DTNB: variants seen among roughly 807,000 people sequenced by gnomAD.
DTNB encodes the protein DTN-B.
DTNB carries 63 observed loss-of-function variants against 90.7 expected under a neutral mutation model. That is an observed-to-expected ratio of 0.69 (90% CI 0.57 to 0.86). DTNB has a LOEUF of 0.86. Among genes scored for constraint, DTNB ranks in the 40% least tolerant of loss-of-function variants. The pLI is 0.00. For missense variants in DTNB, 744 were observed against 807.1 expected (o/e 0.92, Z 0.95); for synonymous variants, 277 against 286.7 (o/e 0.97, Z 0.34).
chr2:25,574,694 A>G (rs2060391722), intron 8 of DTNB, among the ~76,000 whole-genome samples: 2 of 152,246 alleles, frequency 1.3e-5, no homozygotes, highest in Admixed American at 1.3e-4. Context: ...CCTTACCAGT[A>G]TGCATCTACC....
rs139026328 is a variant in DTNB, at chr2:25,569,863, G to A, written c.876+6975C>T. Reference sequence around the variant, plus strand: ...TGTAATCCCAGCACTTTGGAAGGCCGAGGCGGGCAGATCACCTGAGGTCAG... The same window carrying A: ...TGTAATCCCAGCACTTTGGAAGGCCAAGGCGGGCAGATCACCTGAGGTCAG... On this transcript the variant is annotated intron_variant, in intron 8 of 20. Coordinates refer to ENST00000406818, the MANE Select transcript of DTNB (RefSeq NM_021907.5). 1.4e-3 allele frequency among the ~76,000 whole-genome samples: 206 copies of A among 152,118 alleles called. 1 individual carries two copies. The highest frequency in any genetic ancestry group is 4.8e-3 in the African/African-American group (198 of 41,508).
At chr2:25,515,724 C>T (rs769685873) in intron 9 of DTNB, among the ~76,000 whole-genome samples, 23 of 152,152 alleles carry the variant, frequency 1.5e-4, no homozygotes, top group Admixed American at 1.4e-3. Context: ...TACAGGAGCC[C>T]GCCACCATGC....
intron 4 of DTNB, among the ~76,000 whole-genome samples, chr2:25,616,884 A>T (rs922945472): frequency 2.9e-5 from 4 of 139,172 alleles, no homozygotes; most frequent in Non-Finnish European, 4.6e-5. Flanking sequence ...GTGAGCCGAG[A>T]TCGCGCCACT....
intron 10 of DTNB, among the ~76,000 whole-genome samples, chr2:25,479,131 T>G (rs1352404280): frequency 6.6e-6 from 1 of 152,226 alleles, no homozygotes; most frequent in African/African-American, 2.4e-5. Flanking sequence ...AAGCACAAAG[T>G]TGCATACTGA....
At chr2:25,521,164 C>G (rs1388968911) in intron 9 of DTNB, among the ~76,000 whole-genome samples, 1 of 152,028 alleles carries the variant, frequency 6.6e-6, no homozygotes, top group Non-Finnish European at 1.5e-5. Context: ...GATGATCATT[C>G]AGAAAAAAGA....
intron 3 of DTNB, among the ~76,000 whole-genome samples, chr2:25,630,840 G>A (rs1185236522): frequency 9.1e-5 from 7 of 76,930 alleles, no homozygotes; most frequent in Admixed American, 4.0e-4. Flanking sequence ...GTGAAACTCC[G>A]TCCCAAAAAA....
intron 16 of DTNB, among the ~76,000 whole-genome samples, chr2:25,404,223 A>G (rs1179355249): frequency 6.6e-6 from 1 of 152,208 alleles, no homozygotes; most frequent in Non-Finnish European, 1.5e-5. Flanking sequence ...TGCAACCAGC[A>G]CACCAAACGG....
chr2:25,629,055 A>G (rs906656409), intron 3 of DTNB, among the ~76,000 whole-genome samples: 1 of 152,190 alleles, frequency 6.6e-6, no homozygotes, highest in Non-Finnish European at 1.5e-5. Context: ...AAACTTCTTA[A>G]GTGCACAAAA....
intron 6 of DTNB, among the ~76,000 whole-genome samples, chr2:25,587,957 T>C: frequency 6.6e-6 from 1 of 152,174 alleles, no homozygotes; most frequent in South Asian, 2.1e-4. Flanking sequence ...ACTAACTCAA[T>C]GACTTAATTA....
At chr2:25,496,288 T>C (rs1286043815) in intron 9 of DTNB, among the ~76,000 whole-genome samples, 2 of 152,210 alleles carry the variant, frequency 1.3e-5, no homozygotes, top group Admixed American at 6.5e-5. Context: ...CCTCCTTCCT[T>C]GTTCTCCTTG....
chr2:25,379,420 C>A, intron 19 of DTNB, 97 bp from the exon 20 acceptor site: 1 of 1,258,600 alleles, frequency 7.9e-7, no homozygotes, highest in Non-Finnish European at 1.0e-6. Context: ...CAACCCACCC[C>A]AGGGGCTTCC....
At chr2:25,656,756 G>C (rs770424599) in intron 1 of DTNB, among the ~76,000 whole-genome samples, 1 of 152,168 alleles carries the variant, frequency 6.6e-6, no homozygotes, top group Non-Finnish European at 1.5e-5. Flanking sequence ...AAACATCTCT[G>C]ATCTTCAGTG....
intron 9 of DTNB, among the ~76,000 whole-genome samples, chr2:25,511,059 T>C (rs999649236): frequency 2.6e-5 from 4 of 152,294 alleles, no homozygotes; most frequent in Admixed American, 6.5e-5. Flanking sequence ...GGGGCAGGAA[T>C]AAAATGTTTA....
intron 14 of DTNB, 42 bp downstream of exon 14, chr2:25,432,844 T>C (rs2054378487): frequency 1.9e-6 from 3 of 1,545,242 alleles, no homozygotes; most frequent in African/African-American, 1.4e-5. Context: ...GTTCCATCCA[T>C]AGTAGATTAC....
chr2:25,454,376 C>G (rs887335368), intron 11 of DTNB, among the ~76,000 whole-genome samples: 47 of 152,250 alleles, frequency 3.1e-4, no homozygotes, highest in Admixed American at 1.6e-3. Context: ...CCCAAGGAGC[C>G]ATGGCATGCT....
At chr2:25,637,575 A>C (rs1169958395) in intron 3 of DTNB, among the ~76,000 whole-genome samples, 3 of 152,258 alleles carry the variant, frequency 2.0e-5, no homozygotes, top group Non-Finnish European at 4.4e-5. Context: ...TCTCAAAAGA[A>C]AACATTTATG....
At chr2:25,645,362 A>G (rs1199426360) in intron 2 of DTNB, among the ~76,000 whole-genome samples, 1 of 149,908 alleles carries the variant, frequency 6.7e-6, no homozygotes, top group Non-Finnish European at 1.5e-5. Flanking sequence ...CATCACAAAA[A>G]AAAAAAAAGA....
At chr2:25,624,332 T>C (rs2073605926) in intron 4 of DTNB, among the ~76,000 whole-genome samples, 1 of 152,202 alleles carries the variant, frequency 6.6e-6, no homozygotes, top group Non-Finnish European at 1.5e-5. Flanking sequence ...CTCCTGAGGC[T>C]GTGTCATGGG....
intron 8 of DTNB, among the ~76,000 whole-genome samples, chr2:25,533,251 G>A (rs1478342929): frequency 3.9e-5 from 6 of 152,168 alleles, no homozygotes; most frequent in South Asian, 2.1e-4. Flanking sequence ...GCTTCAGCCC[G>A]GGCCGACGAG....
Sources: gnomAD v4.1 joint callset for allele counts (sites outside exome capture counted in the v4.1 genomes callset) on GRCh38, gnomAD v4.1.1 for gene constraint, MANE v1.5 for transcripts, NCBI Gene and HGNC (gene_info 2026-07-23, HGNC 2026-07-21) for gene names.